The following PSME4 variants were observed in gnomAD, a reference collection of about 807,000 sequenced individuals.
The protein encoded by PSME4 is proteasome activator subunit 4, also known as proteasome activator complex subunit 4.
PSME4 carries 89 observed loss-of-function variants against 253.9 expected under a neutral mutation model. That is an observed-to-expected ratio of 0.35 (90% CI 0.30 to 0.42). The LOEUF (loss-of-function observed/expected upper bound fraction) is 0.42. PSME4 is among the 10% of genes least tolerant of loss of function. The pLI is 1.00. For missense variants in PSME4, 2,014 were observed against 2,195.2 expected, an observed-to-expected ratio of 0.92 and a Z score of 1.65; for synonymous variants, 851 against 759.2, an observed-to-expected ratio of 1.12 and a Z score of -1.99.
intron 29 of PSME4, 85 bp downstream of exon 29, chr2:53,899,796 C>A (rs2104433898): frequency 6.8e-7 from 1 of 1,470,980 alleles, no homozygotes; most frequent in Non-Finnish European, 9.3e-7. Flanking sequence ...CCAGCCTGGG[C>A]AACAGAGCAA....
In PSME4 at chr2:53,931,997, C is replaced by T. The variant is rs751963027; in HGVS notation, c.1154G>A (p.Ser385Asn). 29 of 1,614,008 alleles carry T rather than the reference C, an allele frequency of 1.8e-5. No individual in the cohort carries two copies. The highest frequency in any genetic ancestry group is 2.5e-5 in the Non-Finnish European group (29 of 1,179,886). The change falls in exon 10 of 47, where the codon AGC (serine) becomes AAC (asparagine). Residue 385 changes from serine (S) to asparagine (N), a missense_variant. Around this residue, in one of 4 missense-constraint regions of PSME4, gnomAD observed 615 missense variants for 594.4 expected, o/e 1.03. Transcript: ENST00000404125. ...AACATCTTGATCAGTAAGCTTGTGG[C>T]TATCAGGCACAGGAGTTAACCAAGA... The part of the protein sequence containing the change: ...KPSWLTPVPD[S>N]HKLTDQDVTD...
intron 8 of PSME4, among the ~76,000 whole-genome samples, chr2:53,934,178 C>T (rs1439055786): frequency 6.6e-6 from 1 of 152,292 alleles, no homozygotes; most frequent in East Asian, 1.9e-4. Context: ...TAATCCTTCA[C>T]ATCTCTCCCT....
Position 53,875,664 on chromosome 2 carries a change from G to C in PSME4, c.4907C>G (p.Pro1636Arg), listed in dbSNP as rs769134085. ...CTGAAGTACCAAAGGCACTTGATGA[G>C]GGTAAAGCAACCCCTGAGACATTAA... ...LSLMSQGLLY[P>R]HQVPLVLQVL... Residue 1636 changes from proline to arginine, a missense_variant, in exon 42 of 47, where the codon CCT (proline) becomes CGT (arginine). Transcript: ENST00000404125. 6.2e-7 allele frequency: 1 copy of C among 1,612,834 alleles called. No homozygotes were observed. The highest frequency in any genetic ancestry group is 8.5e-7 in the Non-Finnish European group (1 of 1,179,240).
chr2:53,964,839 A>G (rs959812560), intron 1 of PSME4, among the ~76,000 whole-genome samples: 4 of 152,214 alleles, frequency 2.6e-5, no homozygotes, highest in African/African-American at 9.6e-5. Flanking sequence ...AATCAAATAC[A>G]TTATGTGGTT....
chr2:53,946,638 G>A (rs567772429), intron 3 of PSME4, among the ~76,000 whole-genome samples: 1 of 152,232 alleles, frequency 6.6e-6, no homozygotes, highest in African/African-American at 2.4e-5. Flanking sequence ...GCCCATGCCT[G>A]TAATCCCAGC....
At chr2:53,872,517 G>C (rs1558641913) in intron 43 of PSME4, among the ~76,000 whole-genome samples, 1 of 151,946 alleles carries the variant, frequency 6.6e-6, no homozygotes, top group Non-Finnish European at 1.5e-5. Context: ...AAGGCGGGTA[G>C]ATTGCTTGGG....
chr2:53,869,375 C>A lies in PSME4; in HGVS notation c.5263+1G>T. 6.2e-7 allele frequency: 1 copy of A among 1,601,750 alleles called. No homozygotes were observed. Among genetic ancestry groups the A allele is most frequent in the Non-Finnish European group, 8.5e-7 (1 of 1,171,116 alleles). ...CAGGTGTTTCCTACCAGCAATGTTA[C>A]CTGCAGAAGGAATGGTATCTCCTAC... On this transcript the variant is annotated splice_donor_variant, in intron 44 of 46. Coordinates refer to ENST00000404125, the MANE Select transcript of PSME4 (RefSeq NM_014614.3). LOFTEE classifies it high-confidence loss of function.
rs1411061053 is a variant in PSME4, at chr2:53,904,019, C to T, written c.3075+6G>A. On this transcript the variant is annotated splice_donor_region_variant and intron_variant, in intron 27 of 46. Coordinates refer to ENST00000404125, the MANE Select transcript of PSME4 (RefSeq NM_014614.3). ...TTTACAGTAAAATAGGAAAAAAACC[C>T]TATACCTTGAATTGTTGCTGTGTAA... The T allele has an allele frequency of 1.9e-6, 3 of 1,598,256 alleles. No homozygotes were observed. In the African/African-American group the frequency reaches 4.0e-5, roughly 22 times the overall value.
At chr2:53,890,804 G>A (rs1161836188) in intron 36 of PSME4, among the ~76,000 whole-genome samples, 2 of 152,148 alleles carry the variant, frequency 1.3e-5, no homozygotes, top group African/African-American at 4.8e-5. Context: ...AAGGCAGGAG[G>A]ATCACTTGAA....
chr2:53,920,068 A>G, intron 19 of PSME4, 125 bp downstream of exon 19: 1 of 816,896 alleles, frequency 1.2e-6, no homozygotes, highest in Non-Finnish European at 1.8e-6. Context: ...TGATTTTCTA[A>G]GTACATGTAT....
chr2:53,907,790 T>C (rs1680725791), intron 24 of PSME4, among the ~76,000 whole-genome samples: 1 of 152,178 alleles, frequency 6.6e-6, no homozygotes, highest in Non-Finnish European at 1.5e-5. Context: ...CTAAAGTATC[T>C]AGCAACTGTT....
rs990235287 is a variant in PSME4, at chr2:53,906,322, T to G, written c.2943+276A>C. ...GAGAAGCAATTACAAACAGCAACAT[T>G]AAGCATTACAAAAAAATGACTAGCA... On this transcript the variant is annotated intron_variant, in intron 26 of 46. Coordinates refer to ENST00000404125, the MANE Select transcript of PSME4 (RefSeq NM_014614.3). 1.9e-4 allele frequency among the ~76,000 whole-genome samples: 29 copies of G among 152,164 alleles called. 1 individual carries two copies. Among genetic ancestry groups the G allele is most frequent in the African/African-American group, 7.0e-4 (29 of 41,430 alleles).
In PSME4 at chr2:53,920,971, G is replaced by A; in HGVS notation, c.2180C>T (p.Ser727Phe). Reference sequence around the variant, plus strand: ...TTCTGTAGGGTAGATAAGTGTGGTAGAACGGAGAAGATGATGCAAAAGGTT... The same window carrying A: ...TTCTGTAGGGTAGATAAGTGTGGTAAAACGGAGAAGATGATGCAAAAGGTT... ...SCNLLHHLLR[S>F]TTLIYPTEYC... The change falls in exon 18 of 47, where the codon TCT becomes TTT. Residue 727 changes from serine to phenylalanine, a missense_variant. This residue lies in a region of PSME4 where 989 missense variants were observed against 1,021.1 expected (regional missense o/e 0.97). Transcript: ENST00000404125. 3 of 1,614,070 alleles carry A rather than the reference G, an allele frequency of 1.9e-6. No individual in the cohort carries two copies. Among genetic ancestry groups the A allele is most frequent in the Non-Finnish European group, 2.5e-6 (3 of 1,179,930 alleles).
At chr2:53,953,118 A>C (rs1670072640) in intron 1 of PSME4, among the ~76,000 whole-genome samples, 1 of 152,218 alleles carries the variant, frequency 6.6e-6, no homozygotes, top group African/African-American at 2.4e-5. Flanking sequence ...TATTTCCCCC[A>C]GTTCCTCGCC....
At chr2:53,892,765 T>G in intron 36 of PSME4, 43 bp downstream of exon 36, 4 of 1,563,668 alleles carry the variant, frequency 2.6e-6, no homozygotes, top group Non-Finnish European at 3.5e-6. Context: ...ATGGGTAACA[T>G]AGCTTTAACA....
At chr2:53,885,440 G>T (rs113701150) in intron 41 of PSME4, among the ~76,000 whole-genome samples, 24 of 152,234 alleles carry the variant, frequency 1.6e-4, no homozygotes, top group Admixed American at 3.9e-4. Context: ...TCAGAAATTA[G>T]CTACCAGGTA....
Position 53,925,593 on chromosome 2 carries a change from A to C in PSME4, c.1755T>G (p.Gly585=). ...MTHLESLVEL[G]LSSTFSTILT... The stretch of plus-strand genomic sequence containing the variant: ...GGATTGTACTAAACGTAGAAGACAG[A>C]CCTAATTCGACCAAACTCTCCAAGT... The change falls in exon 14 of 47, where the codon GGT becomes GGG. Residue 585 remains glycine, a synonymous_variant. Transcript: ENST00000404125. 1.2e-6 allele frequency: 2 copies of C among 1,609,504 alleles called. No individual in the cohort carries two copies. The highest frequency in any genetic ancestry group is 1.7e-6 in the Non-Finnish European group (2 of 1,176,168).
chr2:53,967,445 C>T (rs991714838), intron 1 of PSME4, among the ~76,000 whole-genome samples: 1 of 151,580 alleles, frequency 6.6e-6, no homozygotes, highest in African/African-American at 2.4e-5. Context: ...GGTTCGAGAC[C>T]AGCCTTGCCA....
chr2:53,916,336 T>C (rs1668063354), intron 20 of PSME4, among the ~76,000 whole-genome samples: 1 of 151,728 alleles, frequency 6.6e-6, no homozygotes, highest in African/African-American at 2.4e-5. Context: ...TGTCTCCTAA[T>C]ACCACAGCCA....
Sources: gnomAD v4.1 joint callset for allele counts (sites outside exome capture counted in the v4.1 genomes callset) on GRCh38, gnomAD v4.1.1 for gene constraint, gnomAD v4.1.1 regional missense constraint, MANE v1.5 for transcripts, NCBI Gene and HGNC (gene_info 2026-07-23, HGNC 2026-07-21) for gene names.